Variants in ROBO1 observed in about 807,000 individuals in gnomAD.
ROBO1 encodes roundabout homolog 1.
ROBO1 carries 149 observed loss-of-function variants against 195.9 expected under a neutral mutation model. The ratio of observed to expected loss-of-function variants is 0.76; its 90% CI spans 0.67 to 0.87. The LOEUF is 0.87. Among genes scored for constraint, ROBO1 ranks in the 40% least tolerant of loss-of-function variants. ROBO1 has a pLI of 0.00. For missense variants in ROBO1, 1,933 were observed against 2,068.3 expected (o/e 0.93, Z 1.27); for synonymous variants, 816 against 733.2 (o/e 1.11, Z -1.82).
In ROBO1 at chr3:78,693,428, A is replaced by G. The variant is rs1268938858; in HGVS notation, c.1046-4656T>C. 3.1e-5 allele frequency: 35 copies of G among 1,119,038 alleles called. No individual in the cohort carries two copies. The Admixed American group carries it at 6.0e-4, about 19-fold the overall frequency. 69.3% of individuals were successfully genotyped at this position (1,119,038 alleles called of 1,614,324 possible). A position where few individuals can be genotyped will look rare whatever the true frequency, so the allele number is the denominator to read the frequency against. ...AAACATAAAATGAAACAGAAAAGTA[A>G]TAAGATTTGACTTAACAATGATTCT... On this transcript the variant is annotated intron_variant, in intron 8 of 30. Transcript: ENST00000464233.
chr3:79,051,948 G>T (rs2078707351), intron 3 of ROBO1, among the ~76,000 whole-genome samples: 1 of 152,042 alleles, frequency 6.6e-6, no homozygotes, highest in Admixed American at 6.6e-5. Context: ...TCAGGACCCT[G>T]TGATGAGTGC....
At position 79,581,144 on chromosome 3, in the gene ROBO1, T is replaced by C. The variant is rs563151608; in HGVS notation, c.88+8680A>G. Among the ~76,000 whole-genome samples the C allele has an allele frequency of 4.7e-5, 7 of 148,860 alleles. No individual in the cohort carries two copies. In the East Asian group the frequency reaches 9.7e-4, roughly 21 times the overall value. Reference sequence around the variant, plus strand: ...GTTTTTGTTTTTGTCTTGTTTTATTTATTTTATTTTTTTTACCAAGGCTTT... The same window carrying C: ...GTTTTTGTTTTTGTCTTGTTTTATTCATTTTATTTTTTTTACCAAGGCTTT... On this transcript the variant is annotated intron_variant, in intron 2 of 30. Coordinates refer to ENST00000464233, the MANE Select transcript of ROBO1 (RefSeq NM_002941.4).
chr3:79,151,627 A>C (rs2080773232), intron 2 of ROBO1, among the ~76,000 whole-genome samples: 1 of 151,612 alleles, frequency 6.6e-6, no homozygotes, highest in Non-Finnish European at 1.5e-5. Context: ...ACTTTAAATG[A>C]CTTTCTAATA....
intron 4 of ROBO1, among the ~76,000 whole-genome samples, chr3:78,812,818 C>T (rs1371015443): frequency 6.6e-6 from 1 of 152,042 alleles, no homozygotes. Context: ...TAGTTCTAAG[C>T]ATGATATCTA....
intron 4 of ROBO1, among the ~76,000 whole-genome samples, chr3:78,894,260 AG>A (rs2037099725): frequency 6.6e-6 from 1 of 152,332 alleles, no homozygotes; most frequent in South Asian, 2.1e-4. Context: ...CAAGTAAAAC[AG>A]CAATTAATGT....
chr3:79,150,642 A>C (rs542955924), intron 2 of ROBO1, among the ~76,000 whole-genome samples: 1 of 151,992 alleles, frequency 6.6e-6, no homozygotes, highest in African/African-American at 2.4e-5. Context: ...TTTAAACATT[A>C]AAAATTCCTA....
At chr3:79,349,800 A>C (rs115910957) in intron 2 of ROBO1, among the ~76,000 whole-genome samples, 1,902 of 152,312 alleles carry the variant, frequency 0.012, 39 homozygotes, top group African/African-American at 0.041. Context: ...CGTGTACAAA[A>C]ATTAACTCAA....
rs1348579535 is a variant in ROBO1 at position 78,600,280 on chromosome 3, A to G, written c.4774T>C (p.Phe1592Leu). 1.2e-6 allele frequency: 2 copies of G among 1,612,084 alleles called. No individual in the cohort carries two copies. The highest frequency in any genetic ancestry group is 1.7e-6 in the Non-Finnish European group (2 of 1,178,416). ...TCTCTGGGATTATTTGATGTTGGAA[A>G]AGTAGGTCTACAATAAGGTAGAATA... ...EDILPYCRPT[F>L]PTSNNPRDPS... Residue 1592 changes from phenylalanine (F) to leucine (L), a missense_variant, in exon 30 of 31, where the codon TTT (phenylalanine) becomes CTT (leucine). Physicochemically the swap from Phe to Leu is conservative, Grantham distance 22 (BLOSUM62 0). Transcript: ENST00000464233.
chr3:78,939,390 G>A (rs544577572), intron 3 of ROBO1, among the ~76,000 whole-genome samples: 45 of 151,600 alleles, frequency 3.0e-4, no homozygotes, highest in Admixed American at 7.2e-4. Context: ...CGAGGCGGGC[G>A]GATCACGAGG....
intron 14 of ROBO1, among the ~76,000 whole-genome samples, chr3:78,664,072 T>G (rs1201328855): frequency 6.6e-6 from 1 of 152,094 alleles, no homozygotes; most frequent in Non-Finnish European, 1.5e-5. Flanking sequence ...TCTATAACAT[T>G]ATAATAGAAA....
At chr3:79,356,986 G>A (rs955959301) in intron 2 of ROBO1, among the ~76,000 whole-genome samples, 2 of 152,058 alleles carry the variant, frequency 1.3e-5, no homozygotes, top group African/African-American at 2.4e-5. Flanking sequence ...GATTTCTTTT[G>A]TTGTATATTG....
At chr3:78,920,299 G>A (rs1036292840) in intron 4 of ROBO1, among the ~76,000 whole-genome samples, 13 of 151,260 alleles carry the variant, frequency 8.6e-5, no homozygotes, top group Non-Finnish European at 7.4e-5. Context: ...TATAGGCATG[G>A]ACAATTTTTT....
intron 4 of ROBO1, among the ~76,000 whole-genome samples, chr3:78,788,429 T>TTC (rs2083914023): frequency 9.4e-6 from 1 of 106,820 alleles, no homozygotes; most frequent in Admixed American, 9.0e-5. Context: ...CTCTTTTCTT[T>TTC]TTTTTTTTTT....
At chr3:78,826,710 T>A (rs1419506027) in intron 4 of ROBO1, among the ~76,000 whole-genome samples, 3 of 152,186 alleles carry the variant, frequency 2.0e-5, no homozygotes, top group Admixed American at 1.3e-4. Context: ...TAGGGCAGGA[T>A]CTAGTTCTCC....
At chr3:78,781,487 C>G (rs149050486) in intron 4 of ROBO1, among the ~76,000 whole-genome samples, 1 of 152,286 alleles carries the variant, frequency 6.6e-6, no homozygotes, top group Non-Finnish European at 1.5e-5. Context: ...TACCACTCCT[C>G]TCCTTTATTT....
chr3:79,186,705 A>T (rs1005313579), intron 2 of ROBO1, among the ~76,000 whole-genome samples: 12 of 152,124 alleles, frequency 7.9e-5, no homozygotes, highest in Admixed American at 2.0e-4. Flanking sequence ...GGGCTAGTCC[A>T]TGATTTACCA....
chr3:79,005,073 G>A (rs540387740), intron 3 of ROBO1, among the ~76,000 whole-genome samples: 6 of 152,264 alleles, frequency 3.9e-5, no homozygotes, highest in East Asian at 3.9e-4. Context: ...CGAAGAATCC[G>A]TTATTATTGG....
intron 3 of ROBO1, among the ~76,000 whole-genome samples, chr3:78,976,966 C>T (rs2076897129): frequency 1.3e-5 from 2 of 152,144 alleles, no homozygotes; most frequent in Admixed American, 1.3e-4. Flanking sequence ...CTTTGTGTAA[C>T]ACCAAGTGCC....
chr3:79,044,660 G>C (rs1007241277), intron 3 of ROBO1, among the ~76,000 whole-genome samples: 1 of 152,062 alleles, frequency 6.6e-6, no homozygotes, highest in Non-Finnish European at 1.5e-5. Flanking sequence ...ATGGAAATTG[G>C]AGGAAGGGAG....
Sources: gnomAD v4.1 joint callset for allele counts (sites outside exome capture counted in the v4.1 genomes callset) on GRCh38, gnomAD v4.1.1 for gene constraint, MANE v1.5 for transcripts, NCBI Gene and HGNC (gene_info 2026-07-23, HGNC 2026-07-21) for gene names.